The following GRIK4 variants were observed in gnomAD, a reference collection of about 807,000 sequenced individuals.
GRIK4 encodes glutamate ionotropic receptor kainate type subunit 4.
Under a neutral mutation model 104.9 loss-of-function variants are expected in GRIK4, and 40 were observed. The ratio of observed to expected loss-of-function variants is 0.38; its 90% CI spans 0.30 to 0.50. The LOEUF (loss-of-function observed/expected upper bound fraction) is 0.50. Ranked by LOEUF, GRIK4 falls within the 20% of genes least tolerant of loss-of-function variation. The probability of loss-of-function intolerance (pLI) is 0.93; values close to 1 mark genes in which losing one functional copy is unlikely to be tolerated. For missense variants in GRIK4, 1,047 were observed against 1,308.1 expected (o/e 0.80, Z 3.08); for synonymous variants, 485 against 524.9 (o/e 0.92, Z 1.04).
chr11:120,590,819 A>G (rs1948724112), intron 1 of GRIK4, among the ~76,000 whole-genome samples: 1 of 152,088 alleles, frequency 6.6e-6, no homozygotes, highest in East Asian at 1.9e-4. Context: ...ATTTATACAG[A>G]TTGTTGATTC....
intron 13 of GRIK4, among the ~76,000 whole-genome samples, chr11:120,924,566 C>T (rs138213155): frequency 1.7e-5 from 1 of 60,500 alleles, no homozygotes; most frequent in Non-Finnish European, 3.3e-5. Flanking sequence ...TCCTGAAGAC[C>T]CCCTTGTCCC....
chr11:120,896,120 T>C (rs1025833426), intron 11 of GRIK4, among the ~76,000 whole-genome samples: 1 of 151,586 alleles, frequency 6.6e-6, no homozygotes, highest in Non-Finnish European at 1.5e-5. Flanking sequence ...CAGCACCTGC[T>C]GTCCTGAGCC....
At chr11:120,624,221 A>G (rs1949225806) in intron 1 of GRIK4, among the ~76,000 whole-genome samples, 1 of 152,146 alleles carries the variant, frequency 6.6e-6, no homozygotes, top group African/African-American at 2.4e-5. Context: ...CCTCTCACCA[A>G]GGGCTCTTGA....
In GRIK4 at chr11:120,660,346, C is replaced by G; in HGVS notation, c.28C>G (p.Leu10Val). The change falls in exon 3 of 21, where the codon CTG becomes GTG. Residue 10 changes from leucine to valine, a missense_variant. By Grantham distance (32) the Leu-to-Val change is conservative (BLOSUM62 1). Around this residue, in one of 3 missense-constraint regions of GRIK4, gnomAD observed 447 missense variants for 514.9 expected, o/e 0.87. Coordinates refer to ENST00000527524, the MANE Select transcript of GRIK4 (RefSeq NM_014619.5). MPRVSAPLV[L>V]LPAWLVMVAC... is the part of the protein sequence containing the mutation. ...GCCCCGCGTCTCGGCGCCTTTGGTG[C>G]TGCTTCCTGCGTGGCTCGTGATGGT... 1 of 1,613,390 alleles carries G rather than the reference C, an allele frequency of 6.2e-7. No individual in the cohort carries two copies. Among genetic ancestry groups the G allele is most frequent in the Non-Finnish European group, 8.5e-7 (1 of 1,179,918 alleles).
intron 3 of GRIK4, among the ~76,000 whole-genome samples, chr11:120,699,539 ATGTGTGTGTGTGTGTG>A (rs57345739): frequency 1.8e-3 from 268 of 145,188 alleles, no homozygotes; most frequent in African/African-American, 4.9e-3. Context: ...AGGTGTGTGT[ATGTGTGTGTGTGTGTG>A]TGTGTGTGTG....
intron 1 of GRIK4, among the ~76,000 whole-genome samples, chr11:120,648,915 C>T (rs1860604257): frequency 6.6e-6 from 1 of 152,224 alleles, no homozygotes; most frequent in Admixed American, 6.5e-5. Flanking sequence ...CTACTTCCTT[C>T]TCCGACTGGA....
In GRIK4 at chr11:120,862,132, C is replaced by T; in HGVS notation, c.906+12C>T. ...TCACTGGGCCTGCGGTAAGTACCCG[C>T]CAGAGCTCTTCCTGGTGCCCCTTGG... is the stretch of plus-strand genomic sequence containing the variant. On this transcript the variant is annotated intron_variant, in intron 9 of 20. Transcript: ENST00000527524. The T allele has an allele frequency of 6.2e-7, 1 of 1,611,214 alleles. No homozygotes were observed. Among genetic ancestry groups the T allele is most frequent in the Non-Finnish European group, 8.5e-7 (1 of 1,178,544 alleles).
At chr11:120,570,872 CTG>C (rs2135072016) in intron 1 of GRIK4, among the ~76,000 whole-genome samples, 1 of 152,324 alleles carries the variant, frequency 6.6e-6, no homozygotes, top group East Asian at 1.9e-4. Flanking sequence ...TACATTATAT[CTG>C]TGTGAATATT....
At chr11:120,538,429 C>G (rs1370828629) in intron 1 of GRIK4, among the ~76,000 whole-genome samples, 1 of 152,230 alleles carries the variant, frequency 6.6e-6, no homozygotes, top group Non-Finnish European at 1.5e-5. Context: ...TAAAAGGCCT[C>G]CTCTCCCAGC....
chr11:120,620,747 A>G (rs1192247970), intron 1 of GRIK4, among the ~76,000 whole-genome samples: 1 of 152,202 alleles, frequency 6.6e-6, no homozygotes, highest in Non-Finnish European at 1.5e-5. Flanking sequence ...TTGTAGTATT[A>G]TTACTAGTAC....
chr11:120,929,038 T>C (rs1254689394), intron 13 of GRIK4, among the ~76,000 whole-genome samples: 2 of 151,314 alleles, frequency 1.3e-5, no homozygotes, highest in Non-Finnish European at 2.9e-5. Context: ...TGTGTGTGTG[T>C]GTGTCTGTGT....
chr11:120,628,912 A>G (rs538145840), intron 1 of GRIK4, among the ~76,000 whole-genome samples: 51 of 152,338 alleles, frequency 3.3e-4, no homozygotes, highest in Admixed American at 2.9e-3. Context: ...TTAAGCAAGC[A>G]GTACTTGCCT....
At chr11:120,744,842 A>G (rs182206000) in intron 3 of GRIK4, among the ~76,000 whole-genome samples, 30 of 152,324 alleles carry the variant, frequency 2.0e-4, no homozygotes, top group African/African-American at 6.5e-4. Flanking sequence ...ACTGTTATTT[A>G]TATAAGAGAA....
chr11:120,612,799 G>A (rs1949053813), intron 1 of GRIK4, among the ~76,000 whole-genome samples: 1 of 152,172 alleles, frequency 6.6e-6, no homozygotes, highest in Non-Finnish European at 1.5e-5. Flanking sequence ...ACAGGAGAGT[G>A]CTCCCTGCTG....
At chr11:120,835,115 T>C (rs900166402) in intron 7 of GRIK4, among the ~76,000 whole-genome samples, 1 of 152,230 alleles carries the variant, frequency 6.6e-6, no homozygotes, top group Non-Finnish European at 1.5e-5. Flanking sequence ...TGAGCTCCCT[T>C]GTGCCCTGAG....
intron 3 of GRIK4, among the ~76,000 whole-genome samples, chr11:120,751,492 G>C (rs1309818388): frequency 2.6e-5 from 4 of 152,164 alleles, no homozygotes; most frequent in Non-Finnish European, 4.4e-5. Flanking sequence ...CCATAAGCCT[G>C]TGCTCTGAGA....
intron 13 of GRIK4, among the ~76,000 whole-genome samples, chr11:120,933,429 A>G (rs1376067116): frequency 6.6e-6 from 1 of 152,198 alleles, no homozygotes; most frequent in East Asian, 1.9e-4. Context: ...ATTTACAGAC[A>G]TGGCCTCATT....
intron 8 of GRIK4, among the ~76,000 whole-genome samples, chr11:120,837,314 A>G (rs144152179): frequency 6.6e-6 from 1 of 152,292 alleles, no homozygotes; most frequent in East Asian, 1.9e-4. Flanking sequence ...TTAACCCTGT[A>G]GCATCTGACA....
At chr11:120,631,394 A>C (rs1277666921) in intron 1 of GRIK4, among the ~76,000 whole-genome samples, 1 of 152,194 alleles carries the variant, frequency 6.6e-6, no homozygotes, top group African/African-American at 2.4e-5. Flanking sequence ...TGTTGCCCAC[A>C]GGCCACACTT....
Sources: gnomAD v4.1 joint callset for allele counts (sites outside exome capture counted in the v4.1 genomes callset) on GRCh38, gnomAD v4.1.1 for gene constraint, gnomAD v4.1.1 regional missense constraint, MANE v1.5 for transcripts, NCBI Gene and HGNC (gene_info 2026-07-23, HGNC 2026-07-21) for gene names.